PRH1: variants seen among roughly 807,000 people sequenced by gnomAD.
PRH1 encodes the protein proline rich protein HaeIII subfamily 1.
PRH1 carries 7 observed loss-of-function variants against 7.9 expected under a neutral mutation model. The observed-to-expected ratio is 0.89, with a 90% confidence interval of 0.50 to 1.67. The LOEUF (loss-of-function observed/expected upper bound fraction) is 1.67. Ranked by LOEUF, PRH1 falls within the 40% of genes most tolerant of loss-of-function variation. The pLI is 0.00. For synonymous variants in PRH1, 45 were observed against 80.8 expected (o/e 0.56, Z 2.38); for missense variants, 109 against 223.6 (o/e 0.49, Z 3.27).
At chr12:10,914,273 C>G (rs1283850115) in intron 2 of PRH1, among the ~76,000 whole-genome samples, 2 of 152,148 alleles carry the variant, frequency 1.3e-5, no homozygotes, top group Non-Finnish European at 2.9e-5. Flanking sequence ...TAATTGCCTA[C>G]TGTCTAGCTA....
intron 1 of PRH1, among the ~76,000 whole-genome samples, chr12:11,020,681 T>C: frequency 6.9e-6 from 1 of 145,398 alleles, no homozygotes; most frequent in South Asian, 2.3e-4. Context: ...AATTTTTACA[T>C]AATTTTTAAC....
intron 2 of PRH1, among the ~76,000 whole-genome samples, chr12:10,916,228 G>A (rs1197583310): frequency 2.0e-5 from 3 of 152,084 alleles, no homozygotes; most frequent in African/African-American, 4.8e-5. Context: ...GGAAAGACCC[G>A]CCCACGATTC....
chr12:11,030,547 G>A (rs1942144973), intron 1 of PRH1: 1 of 1,614,090 alleles, frequency 6.2e-7, no homozygotes, highest in Non-Finnish European at 8.5e-7. Context: ...TAGCTTTGCA[G>A]AACATGAAGA....
At chr12:10,954,486 G>C (rs1241214848) in intron 2 of PRH1, among the ~76,000 whole-genome samples, 5 of 146,758 alleles carry the variant, frequency 3.4e-5, no homozygotes, top group Non-Finnish European at 7.6e-5. Flanking sequence ...TGTTTGTTTT[G>C]AGTCAGGGTC....
chr12:11,032,619 G>A (rs1213755458), intron 1 of PRH1, among the ~76,000 whole-genome samples: 3 of 151,848 alleles, frequency 2.0e-5, no homozygotes, highest in African/African-American at 7.3e-5. Flanking sequence ...TCCCACTCAG[G>A]GTTTTCAGCC....
intron 2 of PRH1, among the ~76,000 whole-genome samples, chr12:10,924,173 G>C (rs961857864): frequency 2.6e-5 from 4 of 151,892 alleles, no homozygotes; most frequent in Admixed American, 2.0e-4. Flanking sequence ...ATTTTTAATA[G>C]AGACGGGGTT....
chr12:11,133,351 C>G (rs377453241), intron 1 of PRH1: 6 of 1,613,690 alleles, frequency 3.7e-6, no homozygotes, highest in Non-Finnish European at 8.5e-7. Context: ...TCACCCAGTA[C>G]CTCACATGCC....
At chr12:10,970,234 A>T (rs1938741066) in intron 2 of PRH1, among the ~76,000 whole-genome samples, 1 of 152,244 alleles carries the variant, frequency 6.6e-6, no homozygotes, top group South Asian at 2.1e-4. Flanking sequence ...GAGCCAAAAA[A>T]TTATAGCAAC....
intron 1 of PRH1, chr12:11,134,672 C>T (rs2599396): frequency 0.45 from 79,112 of 175,252 alleles, 18,828 homozygotes; most frequent in Non-Finnish European, 0.52. Flanking sequence ...TTTTATAACC[C>T]GATATGTAGA....
intron 1 of PRH1, among the ~76,000 whole-genome samples, chr12:11,139,569 GTTCAT>G (rs2136390189): frequency 6.6e-6 from 1 of 152,102 alleles, no homozygotes; most frequent in East Asian, 1.9e-4. Context: ...GCTCAAATTT[GTTCAT>G]TTCCTTTGTT....
chr12:10,992,587 TTTTC>T (rs1216529088), intron 1 of PRH1, among the ~76,000 whole-genome samples: 3 of 152,118 alleles, frequency 2.0e-5, no homozygotes, highest in African/African-American at 7.2e-5. Context: ...AATCAGTTTA[TTTTC>T]TTTAACAAAC....
intron 1 of PRH1, among the ~76,000 whole-genome samples, chr12:11,152,345 A>G (rs1947125708): frequency 6.6e-6 from 1 of 151,458 alleles, no homozygotes. Flanking sequence ...TAATAATACA[A>G]GAAAATTTCT....
intron 1 of PRH1, among the ~76,000 whole-genome samples, chr12:10,992,405 T>A (rs200531568): frequency 7.9e-5 from 6 of 76,348 alleles, no homozygotes; most frequent in Non-Finnish European, 1.7e-4. Flanking sequence ...CGGTTGTTCG[T>A]TTTTTTTTGT....
intron 1 of PRH1, among the ~76,000 whole-genome samples, chr12:11,033,673 T>A (rs1200711212): frequency 2.6e-5 from 4 of 152,182 alleles, no homozygotes; most frequent in Non-Finnish European, 5.9e-5. Flanking sequence ...AATTTCCTCA[T>A]GTTGCAACTA....
At chr12:11,061,852 T>G in intron 1 of PRH1, 2 of 1,614,154 alleles carry the variant, frequency 1.2e-6, no homozygotes, top group Non-Finnish European at 1.7e-6. Context: ...CTGATTCATG[T>G]TTATCACAAA....
At chr12:11,114,708 T>G (rs1211092161) in intron 1 of PRH1, among the ~76,000 whole-genome samples, 1 of 151,962 alleles carries the variant, frequency 6.6e-6, no homozygotes, top group East Asian at 1.9e-4. Flanking sequence ...CAATAAGAAA[T>G]AAATAGTGAA....
At chr12:11,099,921 A>G (rs1945185295) in intron 1 of PRH1, among the ~76,000 whole-genome samples, 1 of 152,216 alleles carries the variant, frequency 6.6e-6, no homozygotes, top group African/African-American at 2.4e-5. Flanking sequence ...GAGGTGGATA[A>G]TTAAGGCTAG....
chr12:11,138,955 A>T (rs1259697607), intron 1 of PRH1, among the ~76,000 whole-genome samples: 1 of 152,120 alleles, frequency 6.6e-6, no homozygotes, highest in African/African-American at 2.4e-5. Context: ...TGAGAGAATC[A>T]CTTCAGCCCG....
chr12:11,067,155 A>T (rs1413544136), intron 1 of PRH1, among the ~76,000 whole-genome samples: 1 of 145,664 alleles, frequency 6.9e-6, no homozygotes, highest in African/African-American at 2.5e-5. Flanking sequence ...ATGCTCAAAG[A>T]TCATGCTAAA....
Sources: allele counts gnomAD v4.1 joint callset (sites outside exome capture counted in the v4.1 genomes callset), GRCh38; gene constraint gnomAD v4.1.1; transcripts MANE v1.5; gene names NCBI Gene and HGNC (gene_info 2026-07-23, HGNC 2026-07-21).